Variants in KDM5A observed in about 807,000 individuals in gnomAD.
KDM5A encodes the protein lysine-specific demethylase 5A.
In KDM5A, 42 loss-of-function variants were observed where a neutral mutation model predicts 193.5. The ratio of observed to expected loss-of-function variants is 0.22; its 90% CI spans 0.17 to 0.28. The LOEUF is 0.28. Ranked by LOEUF, KDM5A falls within the 10% of genes least tolerant of loss-of-function variation. The pLI is 1.00. For missense variants in KDM5A, 1,692 were observed against 2,055.1 expected (o/e 0.82, Z 3.42); for synonymous variants, 796 against 718.1 (o/e 1.11, Z -1.73).
intron 3 of KDM5A, among the ~76,000 whole-genome samples, chr12:367,674 C>T (rs1209091161): frequency 6.6e-6 from 1 of 151,728 alleles, no homozygotes; most frequent in African/African-American, 2.4e-5. Flanking sequence ...TGCACTCCAG[C>T]CTGGACAGTA....
chr12:359,781 GGAAGGGAT>G (rs1184492666), intron 5 of KDM5A, among the ~76,000 whole-genome samples: 36 of 145,006 alleles, frequency 2.5e-4, no homozygotes, highest in Non-Finnish European at 5.3e-4. Flanking sequence ...GAGGGAAGGA[GGAAGGGAT>G]GAAGGGAAGA....
chr12:345,139 C>T (rs1362934515), intron 10 of KDM5A, among the ~76,000 whole-genome samples: 1 of 151,712 alleles, frequency 6.6e-6, no homozygotes, highest in Non-Finnish European at 1.5e-5. Context: ...ATAAAACAGA[C>T]TTTGAACCAA....
At chr12:387,064 C>G (rs1424941928) in intron 1 of KDM5A, among the ~76,000 whole-genome samples, 1 of 152,122 alleles carries the variant, frequency 6.6e-6, no homozygotes, top group Non-Finnish European at 1.5e-5. Flanking sequence ...AGCCCAGCTT[C>G]TGGGAACCCA....
At chr12:311,309 C>T (rs1943583802) in intron 20 of KDM5A, 2 of 496,334 alleles carry the variant, frequency 4.0e-6, no homozygotes, top group African/African-American at 3.9e-5. Context: ...GTAGATATAA[C>T]AACCAGTTCA....
chr12:298,853 T>C (rs541026217), intron 24 of KDM5A, among the ~76,000 whole-genome samples: 1 of 151,976 alleles, frequency 6.6e-6, no homozygotes, highest in East Asian at 1.9e-4. Flanking sequence ...GAAAAGAACA[T>C]AAATGAACTG....
rs1491136122 is a variant in KDM5A, at chr12:336,357, CTA to C, written c.1309-1937_1309-1936del. 6.0e-4 allele frequency among the ~76,000 whole-genome samples: 55 copies of C among 91,680 alleles called. No homozygotes were observed. In the East Asian group the frequency reaches 0.019, roughly 31 times the overall value. 60.1% of individuals were successfully genotyped at this position (91,680 alleles called of 152,430 possible). ...AAAGACAGAGTGAGACCCTGTCTCA[CTA>C]AAAAAAAAAAAAAAAAAAGTCACAG... On this transcript the variant is annotated intron_variant, in intron 10 of 27. Coordinates refer to ENST00000399788, the MANE Select transcript of KDM5A (RefSeq NM_001042603.3).
intron 24 of KDM5A, among the ~76,000 whole-genome samples, chr12:297,662 C>G (rs763067364): frequency 7.2e-5 from 11 of 152,250 alleles, no homozygotes; most frequent in Non-Finnish European, 1.5e-4. Flanking sequence ...GACCCTGGAC[C>G]CTACCTGAAG....
chr12:321,240 A>C, intron 17 of KDM5A, 131 bp from the exon 18 acceptor site: 2 of 695,772 alleles, frequency 2.9e-6, no homozygotes, highest in East Asian at 2.7e-5. Flanking sequence ...TAACACCACA[A>C]TGGTGACCAC....
intron 10 of KDM5A, among the ~76,000 whole-genome samples, chr12:345,939 A>G (rs906807925): frequency 1.3e-5 from 2 of 152,208 alleles, no homozygotes; most frequent in East Asian, 1.9e-4. Flanking sequence ...AAAGACAGAG[A>G]GACACAAAAA....
chr12:388,232 C>T (rs1365624494), intron 1 of KDM5A: 1 of 454,530 alleles, frequency 2.2e-6, no homozygotes, highest in South Asian at 1.6e-5. Flanking sequence ...GTTTTCCTTA[C>T]CTCAAAGGTG....
At chr12:369,040 C>T (rs769337239) in intron 3 of KDM5A, among the ~76,000 whole-genome samples, 16 of 152,044 alleles carry the variant, frequency 1.1e-4, no homozygotes, top group Non-Finnish European at 2.1e-4. Context: ...AACCTATGGC[C>T]GAAGTACAAT....
At chr12:368,236 T>C (rs1038135206) in intron 3 of KDM5A, among the ~76,000 whole-genome samples, 4 of 152,254 alleles carry the variant, frequency 2.6e-5, no homozygotes, top group Non-Finnish European at 4.4e-5. Context: ...GAAAGCATAA[T>C]AGAAGTTGCC....
At chr12:388,462 G>A in intron 1 of KDM5A, 1 of 386,856 alleles carries the variant, frequency 2.6e-6, no homozygotes, top group South Asian at 1.9e-5. Context: ...TGGAGTTCTT[G>A]TCTAGTAATA....
intron 10 of KDM5A, among the ~76,000 whole-genome samples, chr12:350,070 G>C (rs1008781446): frequency 5.3e-5 from 8 of 151,862 alleles, no homozygotes; most frequent in Admixed American, 1.3e-4. Context: ...GGAGGTTGCA[G>C]TGAGCCAAGA....
chr12:293,319 G>T (rs546506164), intron 26 of KDM5A, 150 bp from the exon 27 acceptor site: 17 of 670,480 alleles, frequency 2.5e-5, no homozygotes, highest in Non-Finnish European at 3.9e-5. Context: ...AAGAAATGGA[G>T]ATTTGTTTAG....
intron 24 of KDM5A, among the ~76,000 whole-genome samples, chr12:306,312 T>C (rs1943506465): frequency 6.6e-6 from 1 of 152,086 alleles, no homozygotes; most frequent in South Asian, 2.1e-4. Flanking sequence ...TATACAGACT[T>C]TCACAACTCA....
chr12:383,896 G>A lies in KDM5A; in HGVS notation c.366+135C>T, dbSNP rs534940104. 9 of 955,668 alleles carry A rather than the reference G, an allele frequency of 9.4e-6. No individual in the cohort carries two copies. In the Admixed American group the frequency reaches 1.2e-4, roughly 13 times the overall value. The allele number at this position is 955,668 out of a possible 1,614,324, so 59.2% of individuals were successfully genotyped here. ...CCCGAGTAGCTGGGATTACAGGCAT[G>A]CGCCACCATACCCAGCTAGTGCATT... On this transcript the variant is annotated intron_variant, in intron 3 of 27. Coordinates refer to ENST00000399788, the MANE Select transcript of KDM5A (RefSeq NM_001042603.3).
chr12:291,731 T>G (rs954534440), intron 27 of KDM5A, among the ~76,000 whole-genome samples: 3 of 152,180 alleles, frequency 2.0e-5, no homozygotes, highest in African/African-American at 7.2e-5. Flanking sequence ...GATTTATCAA[T>G]ATTCTTGATA....
Position 311,236 on chromosome 12 carries a change from T to A in KDM5A, c.3037-172A>T, listed in dbSNP as rs1426259310. 10 of 650,368 alleles carry A rather than the reference T, an allele frequency of 1.5e-5. No homozygotes were observed. In the East Asian group the frequency reaches 2.7e-4, roughly 18 times the overall value. 40.3% of individuals were successfully genotyped at this position (650,368 alleles called of 1,614,324 possible). Reference sequence around the variant, plus strand: ...TTCCAATGTCCTATTTTTTAAAGTTTGTGTAAATTATTTTTTTAATGAACA... The same window carrying A: ...TTCCAATGTCCTATTTTTTAAAGTTAGTGTAAATTATTTTTTTAATGAACA... On this transcript the variant is annotated intron_variant, in intron 20 of 27. Transcript: ENST00000399788.
Sources: allele counts gnomAD v4.1 joint callset (sites outside exome capture counted in the v4.1 genomes callset), GRCh38; gene constraint gnomAD v4.1.1; transcripts MANE v1.5; gene names NCBI Gene and HGNC (gene_info 2026-07-23, HGNC 2026-07-21).